Variants in KIF3B observed in about 807,000 individuals in gnomAD.
KIF3B encodes kinesin family member 3B.
In KIF3B, 38 loss-of-function variants were observed where a neutral mutation model predicts 74.3. The ratio of observed to expected loss-of-function variants is 0.51; its 90% confidence interval spans 0.39 to 0.67. The LOEUF (loss-of-function observed/expected upper bound fraction) is 0.67. KIF3B is among the 30% of genes least tolerant of loss of function. The pLI, the probability that KIF3B is intolerant of heterozygous loss-of-function variation, is 0.00. For missense variants in KIF3B, 649 were observed against 932.0 expected (o/e 0.70, Z 3.95); for synonymous variants, 326 against 342.5 (o/e 0.95, Z 0.53).
In KIF3B at chr20:32,277,728, C is replaced by T. The variant is rs62208762; in HGVS notation, c.-103C>T. On this transcript the variant is annotated 5_prime_UTR_variant, in exon 1 of 9. Transcript: ENST00000375712. ...GCCCCCGCCGCCGCCGCCGCCGCCGCCGCCGCCGCCGCCGCCCGCTTTCGG... is the reference window on the plus strand; with the variant it reads ...GCCCCCGCCGCCGCCGCCGCCGCCGTCGCCGCCGCCGCCGCCCGCTTTCGG... 6.8e-4 allele frequency: 182 copies of T among 267,038 alleles called. 1 individual carries two copies. The highest frequency in any genetic ancestry group is 2.3e-3 in the Admixed American group (42 of 17,930). The allele number at this position is 267,038 out of a possible 1,614,324, so 16.5% of individuals were successfully genotyped here.
chr20:32,289,736 TAAGTA>T, intron 1 of KIF3B, among the ~76,000 whole-genome samples: 1 of 152,324 alleles, frequency 6.6e-6, no homozygotes, highest in East Asian at 1.9e-4. Context: ...GAAAAAACGT[TAAGTA>T]AATAATAGTA....
At chr20:32,293,874 T>A (rs1223001758) in intron 1 of KIF3B, among the ~76,000 whole-genome samples, 1 of 152,220 alleles carries the variant, frequency 6.6e-6, no homozygotes, top group African/African-American at 2.4e-5. Context: ...TCAGGTGTTT[T>A]AAAAATATAT....
intron 1 of KIF3B, among the ~76,000 whole-genome samples, chr20:32,297,468 C>T (rs995825781): frequency 6.6e-6 from 1 of 152,072 alleles, no homozygotes; most frequent in Non-Finnish European, 1.5e-5. Context: ...TTACGTGTGT[C>T]TTTATTTTTA....
intron 1 of KIF3B, among the ~76,000 whole-genome samples, chr20:32,285,164 G>A (rs2047661942): frequency 6.6e-6 from 1 of 151,582 alleles, no homozygotes; most frequent in African/African-American, 2.4e-5. Context: ...AAACTTCTGA[G>A]CTAGATGGGT....
At chr20:32,284,859 A>G (rs1048491042) in intron 1 of KIF3B, among the ~76,000 whole-genome samples, 7 of 152,210 alleles carry the variant, frequency 4.6e-5, no homozygotes, top group African/African-American at 1.2e-4. Flanking sequence ...CACTTTACAC[A>G]TGTTGTTTCA....
chr20:32,325,382 G>A (rs1468333005), intron 5 of KIF3B, among the ~76,000 whole-genome samples: 1 of 151,976 alleles, frequency 6.6e-6, no homozygotes, highest in Non-Finnish European at 1.5e-5. Context: ...TAGAGACAGG[G>A]TTTTGCCATG....
At chr20:32,307,422 T>G (rs1161062964) in intron 1 of KIF3B, among the ~76,000 whole-genome samples, 3 of 152,224 alleles carry the variant, frequency 2.0e-5, no homozygotes, top group African/African-American at 7.2e-5. Flanking sequence ...TATATTTAAT[T>G]TAATCAGTCT....
chr20:32,329,545 C>G (rs2047920408), intron 7 of KIF3B, among the ~76,000 whole-genome samples: 1 of 152,072 alleles, frequency 6.6e-6, no homozygotes, highest in Admixed American at 6.6e-5. Context: ...CACTTGACTG[C>G]TTTCTCTAAT....
chr20:32,309,687 C>G, intron 1 of KIF3B, 26 bp from the exon 2 acceptor site: 1 of 1,433,012 alleles, frequency 7.0e-7, no homozygotes, highest in Non-Finnish European at 9.4e-7. Flanking sequence ...CGGTACTGTG[C>G]TTATTTACTT....
intron 1 of KIF3B, among the ~76,000 whole-genome samples, chr20:32,306,085 TGAAA>T (rs1386930174): frequency 1.7e-5 from 2 of 119,030 alleles, no homozygotes; most frequent in African/African-American, 3.8e-5. Flanking sequence ...AGACTCCATC[TGAAA>T]AAAAAAAAAA....
At chr20:32,303,026 G>A (rs911726517) in intron 1 of KIF3B, among the ~76,000 whole-genome samples, 6 of 152,062 alleles carry the variant, frequency 3.9e-5, no homozygotes, top group South Asian at 2.1e-4. Flanking sequence ...ATTAACCATC[G>A]TAGTGTTAGT....
At position 32,318,315 on chromosome 20, in the gene KIF3B, A is replaced by AG. The variant is rs397781895; in HGVS notation, c.1748+1441_1748+1442insG. Among the ~76,000 whole-genome samples, 104 of 151,878 alleles carry AG rather than the reference A, an allele frequency of 6.8e-4. No homozygotes were observed. In the Middle Eastern group the frequency reaches 0.017, roughly 25 times the overall value. ...AGATTCTTGTCTCAAAAAAAAAAAA[A>AG]TTAAAAAATGATAAAGTATACAAAT... On this transcript the variant is annotated intron_variant, in intron 5 of 8. Coordinates refer to ENST00000375712, the MANE Select transcript of KIF3B (RefSeq NM_004798.4).
chr20:32,281,878 G>A (rs977229161), intron 1 of KIF3B, among the ~76,000 whole-genome samples: 1 of 152,202 alleles, frequency 6.6e-6, no homozygotes, highest in Non-Finnish European at 1.5e-5. Flanking sequence ...AGCTTGGTAA[G>A]TTCCAGAAAC....
chr20:32,290,149 G>A lies in KIF3B; in HGVS notation c.-66+12384G>A, dbSNP rs568594000. ...GTGGCTCCCAGCACTTTAGGAGGCC[G>A]AGGCAGGTAGAACACCTGAGGTCAG... On this transcript the variant is annotated intron_variant, in intron 1 of 8. Coordinates refer to ENST00000375712, the MANE Select transcript of KIF3B (RefSeq NM_004798.4). 8.6e-5 allele frequency among the ~76,000 whole-genome samples: 13 copies of A among 152,046 alleles called. 1 individual carries two copies. The highest frequency in any genetic ancestry group is 1.8e-4 in the Non-Finnish European group (12 of 67,992).
intron 5 of KIF3B, among the ~76,000 whole-genome samples, chr20:32,322,750 A>ATATT (rs71187107): frequency 2.5e-5 from 1 of 40,272 alleles, no homozygotes; most frequent in African/African-American, 1.8e-4. Context: ...ATTTATTTAT[A>ATATT]TATATATTTA....
chr20:32,322,764 A>G lies in KIF3B; in HGVS notation c.1749-4007A>G, dbSNP rs868108858. The stretch of plus-strand genomic sequence containing the variant: ...TATTTATTTATATATATATTTATAT[A>G]TATTTATATATATATTTATATATAT... On this transcript the variant is annotated intron_variant, in intron 5 of 8. Coordinates refer to ENST00000375712, the MANE Select transcript of KIF3B (RefSeq NM_004798.4). Among the ~76,000 whole-genome samples the G allele has an allele frequency of 4.9e-5, 2 of 40,476 alleles. 1 individual carries two copies. The highest frequency in any genetic ancestry group is 7.0e-5 in the Non-Finnish European group (2 of 28,402). The allele number at this position is 40,476 out of a possible 152,430, so 26.6% of individuals were successfully genotyped here.
intron 1 of KIF3B, among the ~76,000 whole-genome samples, chr20:32,308,683 T>C (rs1165843035): frequency 2.0e-5 from 3 of 152,108 alleles, no homozygotes; most frequent in Non-Finnish European, 2.9e-5. Flanking sequence ...AGTGCTGGGA[T>C]TACAGGCGTG....
At position 32,287,898 on chromosome 20, in the gene KIF3B, T is replaced by C. The variant is rs937225370; in HGVS notation, c.-66+10133T>C. Among the ~76,000 whole-genome samples the C allele has an allele frequency of 2.1e-5, 3 of 143,728 alleles. No homozygotes were observed. The Admixed American group carries it at 2.1e-4, about 10-fold the overall frequency. The allele number at this position is 143,728 out of a possible 152,430, so 94.3% of individuals were successfully genotyped here. ...TTTTTTTTTTTTTTTTTTTTTTTTT[T>C]TTCAGATGGAGTCTCACTCTGTCGC... is the stretch of plus-strand genomic sequence containing the variant. On this transcript the variant is annotated intron_variant, in intron 1 of 8. Coordinates refer to ENST00000375712, the MANE Select transcript of KIF3B (RefSeq NM_004798.4).
At chr20:32,299,594 TAGAG>T (rs2047733772) in intron 1 of KIF3B, among the ~76,000 whole-genome samples, 1 of 150,798 alleles carries the variant, frequency 6.6e-6, no homozygotes, top group African/African-American at 2.4e-5. Flanking sequence ...TATTTTTTAG[TAGAG>T]AGAGGGTTTC....
Sources: gnomAD v4.1 joint callset for allele counts (sites outside exome capture counted in the v4.1 genomes callset) on GRCh38, gnomAD v4.1.1 for gene constraint, MANE v1.5 for transcripts, NCBI Gene and HGNC (gene_info 2026-07-23, HGNC 2026-07-21) for gene names.